Variants in SLC44A5 observed in about 807,000 individuals in gnomAD.
SLC44A5 encodes choline transporter-like protein 5.
Under a neutral mutation model 101.8 loss-of-function variants are expected in SLC44A5, and 57 were observed. The ratio of observed to expected loss-of-function variants is 0.56; its 90% CI spans 0.45 to 0.70. The LOEUF (loss-of-function observed/expected upper bound fraction) is 0.70, where lower values mean the gene tolerates loss of function less well. Among genes scored for constraint, SLC44A5 ranks in the 30% least tolerant of loss-of-function variants. The pLI is 0.00. For missense variants in SLC44A5, 737 were observed against 853.1 expected (o/e 0.86, Z 1.70); for synonymous variants, 281 against 290.9 (o/e 0.97, Z 0.35).
rs570442842 is a variant in SLC44A5, at chr1:75,375,887, A to G, written c.52+20696T>C. Among the ~76,000 whole-genome samples, 4 of 152,320 alleles carry G rather than the reference A, an allele frequency of 2.6e-5. No homozygotes were observed. In the East Asian group the frequency reaches 7.7e-4, roughly 29 times the overall value. ...GTCTACAGCTCCCAGCGTGAGTGAC[A>G]CAGAAGATGGGTGATTTCTGCATTT... On this transcript the variant is annotated intron_variant, in intron 3 of 23. Transcript: ENST00000370859.
chr1:75,364,965 T>C (rs1659756429), intron 3 of SLC44A5, among the ~76,000 whole-genome samples: 1 of 152,170 alleles, frequency 6.6e-6, no homozygotes, highest in Non-Finnish European at 1.5e-5. Context: ...AAACTTATTT[T>C]GTTCATGAAT....
At chr1:75,423,896 T>C (rs555198762) in intron 2 of SLC44A5, among the ~76,000 whole-genome samples, 1 of 152,260 alleles carries the variant, frequency 6.6e-6, no homozygotes, top group African/African-American at 2.4e-5. Context: ...CTATGGTTTG[T>C]TGCTCAGGGT....
At chr1:75,689,362 A>C in the SLC44A5 span, among the ~76,000 whole-genome samples, 1,020 of 152,300 alleles carry the variant, frequency 6.7e-3, 16 homozygotes, top group Admixed American at 0.037. Context: ...TCTGGGGTAC[A>C]TCCCAAGCCT....
chr1:75,599,439 G>A (rs187824571), intron 1 of SLC44A5, among the ~76,000 whole-genome samples: 13 of 152,234 alleles, frequency 8.5e-5, no homozygotes, highest in African/African-American at 2.2e-4. Flanking sequence ...ACTGATTTGC[G>A]GTCAGGTTTT....
chr1:75,618,081 C>A, the SLC44A5 span, among the ~76,000 whole-genome samples: 1 of 152,230 alleles, frequency 6.6e-6, no homozygotes, highest in Admixed American at 6.5e-5. Flanking sequence ...CTCTCCACAA[C>A]ACTAGCTGCC....
the SLC44A5 span, among the ~76,000 whole-genome samples, chr1:75,629,807 TTAA>T: frequency 6.6e-6 from 1 of 152,084 alleles, no homozygotes; most frequent in Non-Finnish European, 1.5e-5. Flanking sequence ...GATATAAAAG[TTAA>T]TGAGAACATA....
the SLC44A5 span, among the ~76,000 whole-genome samples, chr1:75,700,400 A>G: frequency 6.6e-6 from 1 of 150,528 alleles, no homozygotes; most frequent in Non-Finnish European, 1.5e-5. Context: ...CTGCTCCTGA[A>G]TGACTACTGG....
At chr1:75,576,378 G>A (rs913413273) in intron 1 of SLC44A5, among the ~76,000 whole-genome samples, 1 of 151,342 alleles carries the variant, frequency 6.6e-6, no homozygotes, top group African/African-American at 2.4e-5. Context: ...GCAATGGCGC[G>A]ATCTCCACTC....
chr1:75,222,645 C>A (rs936441041), intron 13 of SLC44A5, among the ~76,000 whole-genome samples, 185 bp from the exon 14 acceptor site: 5 of 152,154 alleles, frequency 3.3e-5, no homozygotes, highest in South Asian at 2.1e-4. Flanking sequence ...CCTAAGAAAT[C>A]TAGATTAAAG....
intron 6 of SLC44A5, among the ~76,000 whole-genome samples, chr1:75,256,225 A>C (rs988188337): frequency 2.0e-5 from 3 of 152,166 alleles, no homozygotes; most frequent in African/African-American, 7.2e-5. Flanking sequence ...AAAGCTATGC[A>C]ATAGGCCTAC....
chr1:75,435,282 C>T (rs1212305989), intron 2 of SLC44A5, among the ~76,000 whole-genome samples: 1 of 152,120 alleles, frequency 6.6e-6, no homozygotes, highest in Admixed American at 6.6e-5. Context: ...AACTGAAATA[C>T]GTTAATACCT....
At chr1:75,361,229 A>G (rs954923229) in intron 3 of SLC44A5, among the ~76,000 whole-genome samples, 3 of 152,186 alleles carry the variant, frequency 2.0e-5, no homozygotes, top group South Asian at 2.1e-4. Flanking sequence ...TTCCTATCTT[A>G]TGTATATAAG....
chr1:75,560,975 A>C (rs567789214), intron 1 of SLC44A5, among the ~76,000 whole-genome samples: 67 of 152,290 alleles, frequency 4.4e-4, no homozygotes, highest in African/African-American at 1.3e-3. Context: ...AAGTCCTAAT[A>C]ATAAGGTTAA....
chr1:75,434,958 A>T (rs1321069851), intron 2 of SLC44A5, among the ~76,000 whole-genome samples: 1 of 152,128 alleles, frequency 6.6e-6, no homozygotes, highest in Non-Finnish European at 1.5e-5. Flanking sequence ...TATTACAGTT[A>T]GGTATGGATA....
chr1:75,214,100 T>C (rs1376023166), intron 20 of SLC44A5, 111 bp from the exon 21 acceptor site: 4 of 705,192 alleles, frequency 5.7e-6, no homozygotes, highest in Non-Finnish European at 9.8e-6. Flanking sequence ...TTTGCTGAAA[T>C]TGTATTTGGC....
intron 1 of SLC44A5, among the ~76,000 whole-genome samples, chr1:75,572,242 T>C (rs1301566090): frequency 6.6e-6 from 1 of 152,146 alleles, no homozygotes; most frequent in Non-Finnish European, 1.5e-5. Context: ...GGAATGACCC[T>C]AGAGAGTAAC....
At chr1:75,400,411 T>C (rs1029557028) in intron 2 of SLC44A5, among the ~76,000 whole-genome samples, 1 of 152,176 alleles carries the variant, frequency 6.6e-6, no homozygotes, top group East Asian at 1.9e-4. Flanking sequence ...TGGAAGTGCA[T>C]GGGTCCTTCT....
the SLC44A5 span, among the ~76,000 whole-genome samples, chr1:75,628,893 C>T: frequency 6.6e-6 from 1 of 152,004 alleles, no homozygotes; most frequent in East Asian, 1.9e-4. Context: ...TATGAGTAAC[C>T]CTTAGAGGAG....
intron 4 of SLC44A5, among the ~76,000 whole-genome samples, chr1:75,302,917 A>G (rs1405079529): frequency 6.6e-6 from 1 of 152,168 alleles, no homozygotes; most frequent in African/African-American, 2.4e-5. Flanking sequence ...TTATCCTGCT[A>G]TTCAGAACAG....
Sources: allele counts gnomAD v4.1 joint callset (sites outside exome capture counted in the v4.1 genomes callset), GRCh38; gene constraint gnomAD v4.1.1; transcripts MANE v1.5; gene names NCBI Gene and HGNC (gene_info 2026-07-23, HGNC 2026-07-21).